The following KCNQ3 variants were observed in gnomAD, a reference collection of about 807,000 sequenced individuals.
KCNQ3 encodes the protein potassium voltage-gated channel subfamily Q member 3.
Under a neutral mutation model 92.5 loss-of-function variants are expected in KCNQ3, and 30 were observed. That is an observed-to-expected ratio of 0.32 (90% CI 0.24 to 0.44). The LOEUF is 0.44. Ranked by LOEUF, KCNQ3 falls within the 20% of genes least tolerant of loss-of-function variation. The pLI, the probability that KCNQ3 is intolerant of heterozygous loss-of-function variation, is 1.00. For synonymous variants in KCNQ3, 450 were observed against 468.8 expected (o/e 0.96, Z 0.52); for missense variants, 913 against 1,140.3 (o/e 0.80, Z 2.87).
intron 1 of KCNQ3, among the ~76,000 whole-genome samples, chr8:132,193,245 A>C (rs921363527): frequency 3.3e-5 from 5 of 152,166 alleles, no homozygotes; most frequent in Admixed American, 6.5e-5. Context: ...TATGCCCTTA[A>C]ATCAGTCTCC....
chr8:132,281,857 G>A (rs1347176145), intron 1 of KCNQ3, among the ~76,000 whole-genome samples: 3 of 152,180 alleles, frequency 2.0e-5, no homozygotes, highest in Non-Finnish European at 4.4e-5. Context: ...GGTGCTCCCT[G>A]AGCACTTCTC....
At chr8:132,465,611 G>A (rs1462389111) in intron 1 of KCNQ3, among the ~76,000 whole-genome samples, 1 of 152,164 alleles carries the variant, frequency 6.6e-6, no homozygotes, top group Non-Finnish European at 1.5e-5. Flanking sequence ...AGGTGTGGTG[G>A]CAGGCGCCTG....
intron 1 of KCNQ3, among the ~76,000 whole-genome samples, chr8:132,397,198 C>G (rs190784084): frequency 6.6e-6 from 1 of 152,282 alleles, no homozygotes; most frequent in African/African-American, 2.4e-5. Flanking sequence ...ATTACTCAGT[C>G]TGAGTGGCTG....
At position 132,316,586 on chromosome 8, in the gene KCNQ3, C is replaced by A. The variant is rs189764841; in HGVS notation, c.387-130405G>T. Among the ~76,000 whole-genome samples the A allele has an allele frequency of 6.6e-5, 10 of 152,344 alleles. No individual in the cohort carries two copies. In the East Asian group the frequency reaches 1.9e-3, roughly 29 times the overall value. ...CCCAGAGTGATTGTGAAATTCTGCA[C>A]ACATCTGCACATATGCATGGGATCA... On this transcript the variant is annotated intron_variant, in intron 1 of 14. Coordinates refer to ENST00000388996, the MANE Select transcript of KCNQ3 (RefSeq NM_004519.4).
intron 1 of KCNQ3, chr8:132,186,484 A>G (rs1444728145): frequency 2.6e-6 from 1 of 388,244 alleles, no homozygotes; most frequent in Admixed American, 3.6e-5. Context: ...CCTCGAGGAC[A>G]TTGCTGAAAG....
chr8:132,220,632 C>G (rs942205658), intron 1 of KCNQ3, among the ~76,000 whole-genome samples: 15 of 152,024 alleles, frequency 9.9e-5, no homozygotes, highest in African/African-American at 3.6e-4. Context: ...GCCTGTAATT[C>G]CAGCTACTCA....
intron 1 of KCNQ3, among the ~76,000 whole-genome samples, chr8:132,264,474 A>T (rs1815912729): frequency 6.6e-6 from 1 of 152,242 alleles, no homozygotes; most frequent in Non-Finnish European, 1.5e-5. Flanking sequence ...TGTAGTGGGC[A>T]GGCATGAGAT....
chr8:132,423,452 A>G (rs1436927902), intron 1 of KCNQ3, among the ~76,000 whole-genome samples: 1 of 152,176 alleles, frequency 6.6e-6, no homozygotes. Flanking sequence ...GGAAGGGGCA[A>G]TGGTTAAGAG....
chr8:132,172,800 C>A (rs1826422298), intron 6 of KCNQ3, 107 bp from the exon 7 acceptor site: 2 of 794,628 alleles, frequency 2.5e-6, no homozygotes, highest in East Asian at 2.5e-5. Context: ...CACTTCAAGT[C>A]CTTGCAGTGA....
intron 1 of KCNQ3, among the ~76,000 whole-genome samples, chr8:132,266,850 G>T (rs1034083186): frequency 1.3e-5 from 2 of 152,172 alleles, no homozygotes; most frequent in Non-Finnish European, 2.9e-5. Context: ...CTAGGGCATG[G>T]CAGAGCCACA....
intron 8 of KCNQ3, among the ~76,000 whole-genome samples, chr8:132,165,272 T>C (rs1826111261): frequency 6.6e-6 from 1 of 152,334 alleles, no homozygotes; most frequent in East Asian, 1.9e-4. Context: ...ATCCCTATCT[T>C]ATCTTCACTA....
At chr8:132,212,767 A>C (rs1586833228) in intron 1 of KCNQ3, among the ~76,000 whole-genome samples, 1 of 152,006 alleles carries the variant, frequency 6.6e-6, no homozygotes, top group Non-Finnish European at 1.5e-5. Flanking sequence ...ACTCTGCTTC[A>C]CCTCCACTGC....
intron 12 of KCNQ3, among the ~76,000 whole-genome samples, chr8:132,135,874 A>G (rs900195371): frequency 1.3e-5 from 2 of 152,012 alleles, no homozygotes; most frequent in African/African-American, 4.8e-5. Flanking sequence ...GACGCCTGTA[A>G]TACCAGCAGT....
chr8:132,350,901 T>A (rs1818840150), intron 1 of KCNQ3, among the ~76,000 whole-genome samples: 1 of 152,196 alleles, frequency 6.6e-6, no homozygotes, highest in Non-Finnish European at 1.5e-5. Flanking sequence ...GAATTTTTTT[T>A]TAACGAAGCA....
intron 1 of KCNQ3, among the ~76,000 whole-genome samples, chr8:132,246,196 G>A (rs542738712): frequency 6.6e-6 from 1 of 152,244 alleles, no homozygotes; most frequent in East Asian, 1.9e-4. Flanking sequence ...CTATTCTTGT[G>A]CAAGTGCCCA....
chr8:132,405,579 G>A (rs1050273891), intron 1 of KCNQ3, among the ~76,000 whole-genome samples: 1 of 152,194 alleles, frequency 6.6e-6, no homozygotes, highest in Non-Finnish European at 1.5e-5. Flanking sequence ...AGTGTCAGGG[G>A]CTGTGCTGGG....
Position 132,480,359 on chromosome 8 carries a change from C to A in KCNQ3, c.174G>T (p.Gly58=), listed in dbSNP as rs1412215797. The A allele has an allele frequency of 1.3e-6, 2 of 1,591,146 alleles. No homozygotes were observed. The highest frequency in any genetic ancestry group is 1.4e-5 in the African/African-American group (1 of 73,794). Residue 58 remains glycine (G), a synonymous_variant, in exon 1 of 15, where the codon GGG becomes GGT. Coordinates refer to ENST00000388996, the MANE Select transcript of KCNQ3 (RefSeq NM_004519.4). The part of the protein sequence containing the change: ...GDVEQVTLAL[G]AGADKDGTLL... Reference sequence around the variant, plus strand: ...GGGTCCCGTCTTTGTCGGCTCCGGCCCCGAGCGCCAAGGTGACTTGCTCCA... The same window carrying A: ...GGGTCCCGTCTTTGTCGGCTCCGGCACCGAGCGCCAAGGTGACTTGCTCCA...
chr8:132,345,082 G>A (rs1041166281), intron 1 of KCNQ3, among the ~76,000 whole-genome samples: 2 of 152,182 alleles, frequency 1.3e-5, no homozygotes, highest in Non-Finnish European at 2.9e-5. Flanking sequence ...CTAACTTGCT[G>A]AGGGATTTTA....
At chr8:132,480,089 G>T in intron 1 of KCNQ3, 58 bp downstream of exon 1, 2 of 1,535,662 alleles carry the variant, frequency 1.3e-6, no homozygotes, top group Non-Finnish European at 1.8e-6. Context: ...CTCCAGCCCC[G>T]ACCCCAAGTC....
Sources: allele counts gnomAD v4.1 joint callset (sites outside exome capture counted in the v4.1 genomes callset), GRCh38; gene constraint gnomAD v4.1.1; transcripts MANE v1.5; gene names NCBI Gene and HGNC (gene_info 2026-07-23, HGNC 2026-07-21).